The following NR3C2 variants were observed in gnomAD, a reference collection of about 807,000 sequenced individuals.
NR3C2 encodes the protein nuclear receptor subfamily 3 group C member 2.
A neutral mutation model predicts 86.4 loss-of-function variants in NR3C2; 15 were observed. That is an observed-to-expected ratio of 0.17 (90% confidence interval 0.12 to 0.27). NR3C2 has a LOEUF of 0.27. Ranked by LOEUF, NR3C2 falls within the 10% of genes least tolerant of loss-of-function variation. The pLI is 1.00. For missense variants in NR3C2, 960 were observed against 1,195.6 expected, an observed-to-expected ratio of 0.80 and a Z score of 2.91; for synonymous variants, 458 against 450.5, an observed-to-expected ratio of 1.02 and a Z score of -0.21.
intron 2 of NR3C2, among the ~76,000 whole-genome samples, chr4:148,293,377 C>T (rs1404943752): frequency 6.6e-6 from 1 of 152,160 alleles, no homozygotes; most frequent in African/African-American, 2.4e-5. Context: ...GGCATTTAAA[C>T]AGATTGTTCT....
chr4:148,251,141 T>C lies in NR3C2; in HGVS notation c.1897+8837A>G, dbSNP rs370615477. On this transcript the variant is annotated intron_variant, in intron 3 of 8. Coordinates refer to ENST00000358102, the MANE Select transcript of NR3C2 (RefSeq NM_000901.5). ...TTTGTTGTTGTTATTGTTCTTTTTG[T>C]AGAAATGGGGTTTTGCCATGTTGCC... Among the ~76,000 whole-genome samples the C allele has an allele frequency of 4.6e-5, 7 of 152,192 alleles. No individual in the cohort carries two copies. The East Asian group carries it at 1.4e-3, about 29-fold the overall frequency.
chr4:148,308,866 C>T (rs923975052), intron 2 of NR3C2, among the ~76,000 whole-genome samples: 1 of 152,026 alleles, frequency 6.6e-6, no homozygotes, highest in Admixed American at 6.6e-5. Flanking sequence ...GCCTGTGGTC[C>T]CAGCTACTTG....
At chr4:148,213,724 C>T (rs976962841) in intron 3 of NR3C2, among the ~76,000 whole-genome samples, 8 of 152,202 alleles carry the variant, frequency 5.3e-5, no homozygotes, top group Admixed American at 6.5e-5. Context: ...TTCAATGGGG[C>T]ATGCAACGTT....
chr4:148,082,903 G>T (rs940844370), intron 8 of NR3C2, among the ~76,000 whole-genome samples: 7 of 151,936 alleles, frequency 4.6e-5, no homozygotes, highest in Admixed American at 1.3e-4. Context: ...AGGAGCATCC[G>T]CCATTACTGA....
In NR3C2 at chr4:148,324,701, T is replaced by A. The variant is rs147148666; in HGVS notation, c.1758-64584A>T. On this transcript the variant is annotated intron_variant, in intron 2 of 8. Transcript: ENST00000358102. ...TTTCACCACCAAAAAAACCCCAAAC[T>A]GATTACCACATGAGGTGATGGATAT... is the stretch of plus-strand genomic sequence containing the variant. 4.1e-3 allele frequency among the ~76,000 whole-genome samples: 625 copies of A among 152,322 alleles called. 3 individuals are homozygous for A. The highest frequency in any genetic ancestry group is 9.0e-3 in the Admixed American group (137 of 15,304).
At chr4:148,138,369 T>C (rs1354570735) in intron 6 of NR3C2, among the ~76,000 whole-genome samples, 1 of 152,164 alleles carries the variant, frequency 6.6e-6, no homozygotes. Context: ...GTTCATATAT[T>C]GGGTATGTCT....
chr4:148,101,755 A>G (rs13137823), intron 8 of NR3C2, among the ~76,000 whole-genome samples: 25,137 of 152,218 alleles, frequency 0.17, 2,618 homozygotes, highest in Admixed American at 0.29. Flanking sequence ...AAGACATTGT[A>G]TATTCTCTCA....
At chr4:148,295,391 C>T (rs535343109) in intron 2 of NR3C2, among the ~76,000 whole-genome samples, 5 of 152,026 alleles carry the variant, frequency 3.3e-5, no homozygotes, top group African/African-American at 1.2e-4. Flanking sequence ...CCCTCACAAT[C>T]AGGCTCCCTC....
chr4:148,371,021 C>A (rs537815055), intron 2 of NR3C2, among the ~76,000 whole-genome samples: 2 of 152,248 alleles, frequency 1.3e-5, no homozygotes, highest in South Asian at 4.1e-4. Context: ...TATGTGCCAC[C>A]ATGTCTGGCT....
intron 2 of NR3C2, among the ~76,000 whole-genome samples, chr4:148,377,312 C>T (rs1177875049): frequency 1.3e-5 from 2 of 152,200 alleles, no homozygotes; most frequent in Non-Finnish European, 2.9e-5. Flanking sequence ...TATGAGGGCA[C>T]TAGCCTGTGG....
intron 3 of NR3C2, among the ~76,000 whole-genome samples, chr4:148,230,891 C>G (rs1397561293): frequency 6.6e-6 from 1 of 152,172 alleles, no homozygotes; most frequent in Non-Finnish European, 1.5e-5. Flanking sequence ...AGCTAAAGAA[C>G]AAGAAAGATG....
intron 2 of NR3C2, among the ~76,000 whole-genome samples, chr4:148,343,804 T>C (rs976136507): frequency 6.6e-6 from 1 of 152,082 alleles, no homozygotes; most frequent in African/African-American, 2.4e-5. Flanking sequence ...AAAGAAGGTG[T>C]AATAAGTACT....
At chr4:148,444,814 C>A (rs1232619893), upstream of NR3C2, 2 of 984,898 alleles carry the variant, frequency 2.0e-6, no homozygotes, top group Non-Finnish European at 2.4e-6. Context: ...GCCCCTCTCC[C>A]GGGGCTGCGC....
chr4:148,183,093 T>C (rs545198097), intron 4 of NR3C2, among the ~76,000 whole-genome samples: 7 of 152,188 alleles, frequency 4.6e-5, no homozygotes, highest in African/African-American at 1.4e-4. Flanking sequence ...GTCCTTATGA[T>C]AGTTTGCTGA....
chr4:148,359,731 C>T (rs1745746483), intron 2 of NR3C2, among the ~76,000 whole-genome samples: 1 of 152,154 alleles, frequency 6.6e-6, no homozygotes, highest in Non-Finnish European at 1.5e-5. Context: ...GCTGTGTACC[C>T]AGACTCTCCC....
chr4:148,392,002 T>C (rs1199167656), intron 2 of NR3C2, among the ~76,000 whole-genome samples: 4 of 151,218 alleles, frequency 2.6e-5, no homozygotes, highest in Non-Finnish European at 5.9e-5. Context: ...TATTTCAAGA[T>C]AGTAAATTTT....
chr4:148,291,919 C>G (rs1389625574), intron 2 of NR3C2, among the ~76,000 whole-genome samples: 2 of 152,104 alleles, frequency 1.3e-5, no homozygotes, highest in African/African-American at 4.8e-5. Flanking sequence ...TGGGGAAAAT[C>G]ATCTAACACA....
At chr4:148,244,374 C>T (rs1291281072) in intron 3 of NR3C2, among the ~76,000 whole-genome samples, 1 of 152,190 alleles carries the variant, frequency 6.6e-6, no homozygotes, top group East Asian at 1.9e-4. Context: ...GGCACTCCCT[C>T]CCCTCCACTT....
At chr4:148,248,722 T>A (rs1285980851) in intron 3 of NR3C2, among the ~76,000 whole-genome samples, 1 of 152,226 alleles carries the variant, frequency 6.6e-6, no homozygotes, top group Non-Finnish European at 1.5e-5. Context: ...AAGTAACATA[T>A]GTTTTTCTGC....
Sources: gnomAD v4.1 joint callset for allele counts (sites outside exome capture counted in the v4.1 genomes callset) on GRCh38, gnomAD v4.1.1 for gene constraint, MANE v1.5 for transcripts, NCBI Gene and HGNC (gene_info 2026-07-23, HGNC 2026-07-21) for gene names.